Variants in IQUB observed in about 807,000 individuals in gnomAD.
IQUB encodes IQ motif and ubiquitin domain containing, also known as IQ motif and ubiquitin-like domain-containing protein.
IQUB carries 86 observed loss-of-function variants against 86.4 expected under a neutral mutation model. The ratio of observed to expected loss-of-function variants is 1.00; its 90% CI spans 0.84 to 1.19. IQUB has a LOEUF of 1.19. IQUB is among the 50% of genes most tolerant of loss of function. The pLI is 0.00. For synonymous variants in IQUB, 289 were observed against 304.5 expected (o/e 0.95, Z 0.53); for missense variants, 946 against 916.9 (o/e 1.03, Z -0.41).
intron 1 of IQUB, among the ~76,000 whole-genome samples, chr7:123,516,947 G>C (rs1030365833): frequency 1.3e-5 from 2 of 152,098 alleles, no homozygotes; most frequent in African/African-American, 4.8e-5. Flanking sequence ...TGTCAGAATA[G>C]ATAAGACTCC....
intron 3 of IQUB, among the ~76,000 whole-genome samples, chr7:123,505,916 G>A (rs1052554530): frequency 4.6e-5 from 7 of 152,022 alleles, no homozygotes; most frequent in Non-Finnish European, 8.8e-5. Flanking sequence ...TTAAATATAC[G>A]TTCCAGTTTC....
At chr7:123,509,812 G>T in intron 3 of IQUB, 89 bp downstream of exon 3, 1 of 1,114,278 alleles carries the variant, frequency 9.0e-7, no homozygotes, top group Admixed American at 2.3e-5. Flanking sequence ...TTAGTACCAA[G>T]ATATTTAGTT....
chr7:123,488,934 T>C (rs1182583955), intron 7 of IQUB, among the ~76,000 whole-genome samples: 1 of 152,160 alleles, frequency 6.6e-6, no homozygotes, highest in African/African-American at 2.4e-5. Context: ...ATTTATACAA[T>C]GGAATCCTAT....
rs186006467 is a variant in IQUB, at chr7:123,497,841, A to G, written c.1024-935T>C. Reference sequence around the variant, plus strand: ...AAGAGGCCAGTAGAATTAATTGAAGAAAGAGTCTGTAACCTAATCATGCAC... The same window carrying G: ...AAGAGGCCAGTAGAATTAATTGAAGGAAGAGTCTGTAACCTAATCATGCAC... On this transcript the variant is annotated intron_variant, in intron 6 of 12. Coordinates refer to ENST00000324698, the MANE Select transcript of IQUB (RefSeq NM_178827.5). 1.8e-4 allele frequency among the ~76,000 whole-genome samples: 27 copies of G among 151,714 alleles called. No homozygotes were observed. The East Asian group carries it at 5.2e-3, about 29-fold the overall frequency.
chr7:123,452,686 A>C lies in IQUB; in HGVS notation c.*57T>G. 1.7e-6 allele frequency: 2 copies of C among 1,197,586 alleles called. No homozygotes were observed. Among genetic ancestry groups the C allele is most frequent in the South Asian group, 1.4e-5 (1 of 70,310 alleles). 74.2% of individuals were successfully genotyped at this position (1,197,586 alleles called of 1,614,324 possible). ...CATTTCCATACTCTGTGACCTCTGT[A>C]TTACCCTATTAGCAGTGAACAAAAT... On this transcript the variant is annotated 3_prime_UTR_variant, in exon 13 of 13. Transcript: ENST00000324698.
chr7:123,469,042 T>C (rs1794398151), intron 9 of IQUB, among the ~76,000 whole-genome samples, 172 bp downstream of exon 9: 1 of 152,238 alleles, frequency 6.6e-6, no homozygotes, highest in Admixed American at 6.5e-5. Flanking sequence ...TTACATTTAT[T>C]ATGTATTATA....
chr7:123,465,496 T>C (rs992586173), intron 9 of IQUB, among the ~76,000 whole-genome samples: 1 of 152,026 alleles, frequency 6.6e-6, no homozygotes, highest in African/African-American at 2.4e-5. Flanking sequence ...TGTTAAACTG[T>C]ACGTATATAT....
chr7:123,476,893 C>A (rs1010818874), intron 8 of IQUB, among the ~76,000 whole-genome samples: 1 of 151,946 alleles, frequency 6.6e-6, no homozygotes, highest in African/African-American at 2.4e-5. Context: ...ATGTAAAGGA[C>A]CTCTTCAAGG....
In IQUB at chr7:123,503,185, G is replaced by C; in HGVS notation, c.694+17C>G. ...GGACTCAAAAATACTTTATCTAAAA[G>C]ACATCAAATAACGAACCAGTTTGGA... On this transcript the variant is annotated intron_variant, in intron 4 of 12. Coordinates refer to ENST00000324698, the MANE Select transcript of IQUB (RefSeq NM_178827.5). 1.2e-6 allele frequency: 2 copies of C among 1,608,330 alleles called. No individual in the cohort carries two copies. Among genetic ancestry groups the C allele is most frequent in the Non-Finnish European group, 1.7e-6 (2 of 1,177,638 alleles).
chr7:123,511,758 G>A (rs995447584), intron 2 of IQUB, among the ~76,000 whole-genome samples, 186 bp downstream of exon 2: 6 of 152,130 alleles, frequency 3.9e-5, no homozygotes, highest in African/African-American at 7.2e-5. Context: ...AGATACTGCA[G>A]AATAGAGAAG....
chr7:123,522,739 C>T (rs1218205533), intron 1 of IQUB, among the ~76,000 whole-genome samples: 1 of 152,018 alleles, frequency 6.6e-6, no homozygotes, highest in Non-Finnish European at 1.5e-5. Context: ...TTTTAGGGTA[C>T]ATGTGCACAA....
intron 1 of IQUB, among the ~76,000 whole-genome samples, chr7:123,528,651 C>T (rs1426717189): frequency 1.3e-5 from 2 of 152,094 alleles, no homozygotes; most frequent in Admixed American, 6.5e-5. Flanking sequence ...AAACTGATCT[C>T]CCTGCAGATG....
At chr7:123,453,585 A>T (rs998366037) in intron 12 of IQUB, among the ~76,000 whole-genome samples, 8 of 151,956 alleles carry the variant, frequency 5.3e-5, no homozygotes, top group Non-Finnish European at 1.2e-4. Flanking sequence ...TATCACTAAG[A>T]GCCCACCAAG....
chr7:123,458,772 T>C (rs1048815010), intron 11 of IQUB, among the ~76,000 whole-genome samples: 5 of 152,022 alleles, frequency 3.3e-5, no homozygotes, highest in Non-Finnish European at 7.4e-5. Flanking sequence ...CAAGTAGTCA[T>C]TGTACTTGAA....
chr7:123,501,469 C>T (rs1468682501), intron 6 of IQUB: 1 of 152,098 alleles, frequency 6.6e-6, no homozygotes, highest in African/African-American at 2.4e-5. Flanking sequence ...TTCAACAATC[C>T]CCTTCTTTTA....
rs1311658802 is a variant in IQUB at position 123,502,941 on chromosome 7, T to G, written c.867+3A>C. ...AACCTAAAGAGACAAATAAAAACAT[T>G]ACCTGCGTATCCCTACAAAATATAC... On this transcript the variant is annotated splice_donor_region_variant and intron_variant, in intron 5 of 12. Transcript: ENST00000324698. 2 of 1,602,532 alleles carry G rather than the reference T, an allele frequency of 1.2e-6. No individual in the cohort carries two copies. The highest frequency in any genetic ancestry group is 4.5e-5 in the East Asian group (2 of 44,766).
At chr7:123,498,817 T>C (rs1479139424) in intron 6 of IQUB, among the ~76,000 whole-genome samples, 1 of 152,200 alleles carries the variant, frequency 6.6e-6, no homozygotes, top group Non-Finnish European at 1.5e-5. Flanking sequence ...CTTAGTTATA[T>C]GGCCTCACTG....
intron 12 of IQUB, among the ~76,000 whole-genome samples, 199 bp from the exon 13 acceptor site, chr7:123,453,124 C>T (rs936213109): frequency 6.6e-6 from 1 of 151,762 alleles, no homozygotes; most frequent in African/African-American, 2.4e-5. Context: ...CTCCCTCTGA[C>T]TTCTCTAAGT....
At chr7:123,496,034 A>G (rs781726228) in intron 7 of IQUB, among the ~76,000 whole-genome samples, 1 of 152,168 alleles carries the variant, frequency 6.6e-6, no homozygotes, top group East Asian at 1.9e-4. Flanking sequence ...TTATGTTGTC[A>G]TTCACAAAAA....
Sources: gnomAD v4.1 joint callset for allele counts (sites outside exome capture counted in the v4.1 genomes callset) on GRCh38, gnomAD v4.1.1 for gene constraint, MANE v1.5 for transcripts, NCBI Gene and HGNC (gene_info 2026-07-23, HGNC 2026-07-21) for gene names.